Variants in FAM3B observed in about 807,000 individuals in gnomAD.
The protein encoded by FAM3B is FAM3 metabolism regulating signaling molecule B.
FAM3B carries 29 observed loss-of-function variants against 28.4 expected under a neutral mutation model. The ratio of observed to expected loss-of-function variants is 1.02; its 90% CI spans 0.76 to 1.39. The LOEUF is 1.39. Among genes scored for constraint, FAM3B ranks in the 40% most tolerant of loss-of-function variants. The pLI is 0.00. For synonymous variants in FAM3B, 91 were observed against 103.0 expected (o/e 0.88, Z 0.71); for missense variants, 266 against 293.9 (o/e 0.91, Z 0.69).
intron 1 of FAM3B, among the ~76,000 whole-genome samples, chr21:41,311,151 C>G (rs955689356): frequency 2.4e-4 from 35 of 144,196 alleles, no homozygotes; most frequent in African/African-American, 8.8e-4. Context: ...GCCCCAGGAG[C>G]TTTTGTTTCT....
intron 2 of FAM3B, among the ~76,000 whole-genome samples, chr21:41,334,159 G>C (rs906671577): frequency 1.3e-5 from 2 of 152,238 alleles, no homozygotes. Flanking sequence ...AGGGGAAGCA[G>C]AGCATAAAAG....
chr21:41,305,351 C>T (rs1394022635), intron 1 of FAM3B, among the ~76,000 whole-genome samples: 1 of 152,182 alleles, frequency 6.6e-6, no homozygotes, highest in African/African-American at 2.4e-5. Flanking sequence ...ACTACCAACA[C>T]GTGGCCACTC....
chr21:41,313,117 C>T (rs2838008), upstream of FAM3B, among the ~76,000 whole-genome samples: 54,862 of 152,008 alleles, frequency 0.36, 10,353 homozygotes, highest in East Asian at 0.67. Context: ...CTTGACCATG[C>T]TGACCAGACA....
chr21:41,333,072 A>C (rs1444116839), intron 2 of FAM3B, among the ~76,000 whole-genome samples: 3 of 146,558 alleles, frequency 2.0e-5, no homozygotes, highest in Non-Finnish European at 4.5e-5. Flanking sequence ...TATTACCATA[A>C]ACTCCTCTGT....
intron 7 of FAM3B, among the ~76,000 whole-genome samples, chr21:41,349,939 T>A (rs1020686458): frequency 1.3e-5 from 2 of 152,166 alleles, no homozygotes; most frequent in African/African-American, 4.8e-5. Context: ...CGACCCCTCC[T>A]TGCTTATGAC....
At chr21:41,351,194 T>C (rs1641678681) in intron 7 of FAM3B, among the ~76,000 whole-genome samples, 1 of 152,222 alleles carries the variant, frequency 6.6e-6, no homozygotes, top group Non-Finnish European at 1.5e-5. Context: ...ACAGAGGAAG[T>C]TGTAGTCCTT....
chr21:41,343,053 G>A (rs921428419), intron 3 of FAM3B, among the ~76,000 whole-genome samples: 2 of 152,316 alleles, frequency 1.3e-5, no homozygotes, highest in Middle Eastern at 3.4e-3. Flanking sequence ...CTAGGCTGAA[G>A]TTTATACAAG....
At position 41,350,427 on chromosome 21, in the gene FAM3B, G is replaced by A. The variant is rs543693111; in HGVS notation, c.618+1703G>A. 3.3e-5 allele frequency among the ~76,000 whole-genome samples: 5 copies of A among 152,316 alleles called. No homozygotes were observed. In the South Asian group the frequency reaches 1.0e-3, roughly 32 times the overall value. ...CACCTGTGAGAGGTGAATAAAGATA[G>A]TTCCTGCCACAGAAGGGCTCCTGAA... is the stretch of plus-strand genomic sequence containing the variant. On this transcript the variant is annotated intron_variant, in intron 7 of 7. Transcript: ENST00000357985.
intron 1 of FAM3B, among the ~76,000 whole-genome samples, chr21:41,317,245 C>A (rs566230181): frequency 3.3e-4 from 50 of 152,018 alleles, no homozygotes; most frequent in African/African-American, 1.2e-3. Context: ...CAGGCACAGC[C>A]CCGCACCCCC....
At chr21:41,304,528 G>A (rs1442377264) in intron 1 of FAM3B, among the ~76,000 whole-genome samples, 1 of 152,202 alleles carries the variant, frequency 6.6e-6, no homozygotes, top group Non-Finnish European at 1.5e-5. Context: ...GCCCCTAGGA[G>A]ACCCGAGCCT....
upstream of FAM3B, among the ~76,000 whole-genome samples, chr21:41,314,406 G>A (rs750177459): frequency 1.8e-4 from 27 of 152,168 alleles, no homozygotes; most frequent in Non-Finnish European, 3.4e-4. Flanking sequence ...ACCATGGCAG[G>A]TGCCCCATAC....
At chr21:41,349,445 C>T (rs887082309) in intron 7 of FAM3B, among the ~76,000 whole-genome samples, 3 of 152,142 alleles carry the variant, frequency 2.0e-5, no homozygotes, top group African/African-American at 4.8e-5. Flanking sequence ...ATGACCAAGG[C>T]GCGAGACTTC....
upstream of FAM3B, among the ~76,000 whole-genome samples, chr21:41,312,479 A>G (rs2088720639): frequency 6.6e-6 from 1 of 152,122 alleles, no homozygotes; most frequent in South Asian, 2.1e-4. Flanking sequence ...GGTCTCATGG[A>G]TCCTAGGAGT....
At chr21:41,356,494 G>T (rs552165087) in intron 7 of FAM3B, among the ~76,000 whole-genome samples, 18 of 152,118 alleles carry the variant, frequency 1.2e-4, no homozygotes, top group Non-Finnish European at 2.6e-4. Context: ...GGTTGTGTGG[G>T]TCCTTGGAGT....
rs776540171 is a variant in FAM3B at position 41,338,505 on chromosome 21, A to C, written c.287+4A>C. 2 of 1,613,908 alleles carry C rather than the reference A, an allele frequency of 1.2e-6. No homozygotes were observed. The highest frequency in any genetic ancestry group is 1.7e-5 in the Admixed American group (1 of 59,984). ...AAATCTGCTTTGAGGATAACCTGTA[A>C]GTACCAGCGTTTAGAAGGAAAATAA... On this transcript the variant is annotated splice_donor_region_variant and intron_variant, in intron 3 of 7. Transcript: ENST00000357985.
intron 7 of FAM3B, among the ~76,000 whole-genome samples, chr21:41,355,693 G>A (rs886620422): frequency 2.0e-5 from 3 of 152,134 alleles, no homozygotes; most frequent in Non-Finnish European, 2.9e-5. Context: ...AAGGAGATTC[G>A]TGGCTGCTAA....
intron 1 of FAM3B, among the ~76,000 whole-genome samples, chr21:41,318,237 T>C (rs2088767618): frequency 6.6e-6 from 1 of 152,160 alleles, no homozygotes; most frequent in Non-Finnish European, 1.5e-5. Context: ...GATGCCTCAC[T>C]TTTGATTTTA....
At position 41,322,976 on chromosome 21, in the gene FAM3B, G is replaced by T. The variant is rs1016055826; in HGVS notation, c.73G>T (p.Gly25Trp). 1.9e-6 allele frequency: 3 copies of T among 1,612,674 alleles called. No homozygotes were observed. The African/African-American group carries it at 4.0e-5, about 22-fold the overall frequency. ...VFASLCAWYS[G>W]YLLAELIPDA... ...CGCCTCCTTGTGTGCCTGGTATTCG[G>T]GGTACCTGCTCGCAGAGCTCATTCC... is the stretch of plus-strand genomic sequence containing the variant. Residue 25 changes from glycine (G) to tryptophan (W), a missense_variant, in exon 2 of 8, where the codon GGG becomes TGG. Gly to Trp is a radical substitution (Grantham distance 184). Coordinates refer to ENST00000357985, the MANE Select transcript of FAM3B (RefSeq NM_058186.4).
At chr21:41,335,819 C>T (rs2088950680) in intron 2 of FAM3B, among the ~76,000 whole-genome samples, 1 of 152,220 alleles carries the variant, frequency 6.6e-6, no homozygotes, top group African/African-American at 2.4e-5. Flanking sequence ...TGACCTAACA[C>T]ATGGTCTGTC....
Sources: allele counts gnomAD v4.1 joint callset (sites outside exome capture counted in the v4.1 genomes callset), GRCh38; gene constraint gnomAD v4.1.1; transcripts MANE v1.5; gene names NCBI Gene and HGNC (gene_info 2026-07-23, HGNC 2026-07-21).